The following RALYL variants were observed in gnomAD, a reference collection of about 807,000 sequenced individuals.
RALYL encodes the protein RNA-binding Raly-like protein.
RALYL carries 29 observed loss-of-function variants against 35.1 expected under a neutral mutation model. The observed-to-expected ratio is 0.83, with a 90% confidence interval of 0.61 to 1.13. RALYL has a LOEUF of 1.13. Ranked by LOEUF, RALYL falls within the 50% of genes most tolerant of loss-of-function variation. RALYL has a pLI of 0.00. For synonymous variants in RALYL, 120 were observed against 127.6 expected (o/e 0.94, Z 0.40); for missense variants, 359 against 360.4 (o/e 1.00, Z 0.03).
At chr8:84,316,999 A>C (rs1843877231) in intron 1 of RALYL, among the ~76,000 whole-genome samples, 1 of 151,636 alleles carries the variant, frequency 6.6e-6, no homozygotes, top group African/African-American at 2.4e-5. Flanking sequence ...TATTCTCAAA[A>C]GCACTCCAGA....
chr8:84,620,507 C>G (rs1821085613), intron 2 of RALYL, among the ~76,000 whole-genome samples: 2 of 152,072 alleles, frequency 1.3e-5, no homozygotes, highest in South Asian at 4.1e-4. Flanking sequence ...AAATTGTTTT[C>G]AAAGTTTTCA....
rs145595477 is a variant in RALYL, at chr8:84,764,575, GCC to G, written c.257-10002_257-10001del. ...GAAGTTCAAGTTTCCACTTTGATTT[GCC>G]CTTGCAGACACAGCCTGGGAGCATG... is the stretch of plus-strand genomic sequence containing the variant. On this transcript the variant is annotated intron_variant, in intron 2 of 8. Transcript: ENST00000521268. 5.3e-3 allele frequency among the ~76,000 whole-genome samples: 805 copies of G among 152,210 alleles called. 7 individuals carry two copies. The highest frequency in any genetic ancestry group is 0.018 in the African/African-American group (767 of 41,542).
intron 8 of RALYL, among the ~76,000 whole-genome samples, chr8:84,912,307 G>A (rs1162583292): frequency 6.6e-6 from 1 of 151,948 alleles, no homozygotes; most frequent in Non-Finnish European, 1.5e-5. Context: ...TTATCATTTA[G>A]GAAATTAAAA....
intron 3 of RALYL, among the ~76,000 whole-genome samples, chr8:84,775,997 A>T (rs1336443415): frequency 6.6e-6 from 1 of 152,218 alleles, no homozygotes; most frequent in African/African-American, 2.4e-5. Context: ...TCCCAGATAC[A>T]TATCATCAGT....
At chr8:84,567,266 A>G (rs543166406) in intron 2 of RALYL, among the ~76,000 whole-genome samples, 1 of 151,776 alleles carries the variant, frequency 6.6e-6, no homozygotes, top group Non-Finnish European at 1.5e-5. Flanking sequence ...TGTTCATTAC[A>G]TGGGTATATT....
intron 1 of RALYL, among the ~76,000 whole-genome samples, chr8:84,285,929 G>A (rs1837510746): frequency 6.6e-6 from 1 of 152,176 alleles, no homozygotes; most frequent in South Asian, 2.1e-4. Flanking sequence ...ACCTCTGGGT[G>A]TTTTGTTGAT....
chr8:84,835,009 G>A (rs988167489), intron 4 of RALYL, among the ~76,000 whole-genome samples: 3 of 152,240 alleles, frequency 2.0e-5, no homozygotes, highest in African/African-American at 7.2e-5. Flanking sequence ...GAACATTAAT[G>A]ACTACATTGA....
At chr8:84,457,535 A>G (rs2133315876) in intron 1 of RALYL, among the ~76,000 whole-genome samples, 2 of 151,968 alleles carry the variant, frequency 1.3e-5, no homozygotes, top group African/African-American at 4.8e-5. Context: ...ACCTTTAGAA[A>G]GTTTTTTTCA....
At chr8:84,655,322 T>C (rs1384714020) in intron 2 of RALYL, among the ~76,000 whole-genome samples, 1 of 151,900 alleles carries the variant, frequency 6.6e-6, no homozygotes, top group Non-Finnish European at 1.5e-5. Context: ...TCTTGTTTTG[T>C]TTTGTTTTTT....
intron 2 of RALYL, among the ~76,000 whole-genome samples, chr8:84,555,159 A>G (rs1023124360): frequency 2.4e-4 from 36 of 152,258 alleles, no homozygotes; most frequent in Admixed American, 2.2e-3. Context: ...CACGCCTGTA[A>G]TCCCAGCTAC....
At chr8:84,531,902 A>G (rs2059300905) in intron 2 of RALYL, among the ~76,000 whole-genome samples, 3 of 152,000 alleles carry the variant, frequency 2.0e-5, no homozygotes, top group African/African-American at 7.2e-5. Context: ...CCAAGGAAAA[A>G]AATGATGACA....
chr8:84,415,485 G>T (rs1261805284), intron 1 of RALYL, among the ~76,000 whole-genome samples: 2 of 151,924 alleles, frequency 1.3e-5, no homozygotes, highest in African/African-American at 4.8e-5. Context: ...TGATCGACCC[G>T]CCTCGGCCTC....
intron 4 of RALYL, among the ~76,000 whole-genome samples, chr8:84,844,926 C>T (rs1405586298): frequency 2.0e-5 from 3 of 151,438 alleles, no homozygotes; most frequent in Non-Finnish European, 4.4e-5. Context: ...GATGAGAACA[C>T]ATGGACACAG....
chr8:84,354,039 AG>A (rs1303732785), intron 1 of RALYL, among the ~76,000 whole-genome samples: 2 of 147,460 alleles, frequency 1.4e-5, no homozygotes, highest in African/African-American at 5.1e-5. Flanking sequence ...TGCATGCCTG[AG>A]GGAATCACTA....
At chr8:84,731,508 A>G (rs1846170628) in intron 2 of RALYL, among the ~76,000 whole-genome samples, 2 of 152,108 alleles carry the variant, frequency 1.3e-5, no homozygotes, top group South Asian at 2.1e-4. Flanking sequence ...TTTTTAATCG[A>G]TCACCAAACG....
intron 1 of RALYL, among the ~76,000 whole-genome samples, chr8:84,454,801 C>G (rs2049949052): frequency 6.6e-6 from 1 of 152,094 alleles, no homozygotes; most frequent in South Asian, 2.1e-4. Context: ...TCACTCATTT[C>G]TGAATCCCTG....
At chr8:84,640,308 G>C (rs1826032558) in intron 2 of RALYL, among the ~76,000 whole-genome samples, 1 of 151,872 alleles carries the variant, frequency 6.6e-6, no homozygotes, top group South Asian at 2.1e-4. Context: ...GAATTATTTT[G>C]ATAAAACCTA....
chr8:84,667,285 T>C (rs1227600269), intron 2 of RALYL, among the ~76,000 whole-genome samples: 1 of 152,078 alleles, frequency 6.6e-6, no homozygotes, highest in African/African-American at 2.4e-5. Context: ...ATCAGTAATG[T>C]TGAGTACTTC....
chr8:84,862,412 G>A lies in RALYL; in HGVS notation c.530G>A (p.Gly177Asp). 1 of 1,606,116 alleles carries A rather than the reference G, an allele frequency of 6.2e-7. No individual in the cohort carries two copies. The highest frequency in any genetic ancestry group is 1.1e-5 in the South Asian group (1 of 89,726). The change falls in exon 6 of 9, where the codon GGT becomes GAT. Residue 177 changes from glycine to aspartate, a missense_variant. By Grantham distance (94) the Gly-to-Asp change is moderately conservative. Coordinates refer to ENST00000521268, the MANE Select transcript of RALYL (RefSeq NM_173848.7). ...GGGAAAGGAGTCTTTTCCATGAAAGGTGGATCGAGATCTACTGCCAGTGGG... is the reference window on the plus strand; with the variant it reads ...GGGAAAGGAGTCTTTTCCATGAAAGATGGATCGAGATCTACTGCCAGTGGG... ...RRGKGVFSMK[G>D]GSRSTASGST...
Sources: allele counts gnomAD v4.1 joint callset (sites outside exome capture counted in the v4.1 genomes callset), GRCh38; gene constraint gnomAD v4.1.1; transcripts MANE v1.5; gene names NCBI Gene and HGNC (gene_info 2026-07-23, HGNC 2026-07-21).